The following GALNT17 variants were observed in gnomAD, a reference collection of about 807,000 sequenced individuals.
The protein encoded by GALNT17 is UDP-GalNAc:polypeptide N-acetylgalactosaminyltransferase-like 3.
Under a neutral mutation model 63.7 loss-of-function variants are expected in GALNT17, and 29 were observed. The observed-to-expected ratio is 0.46, with a 90% CI of 0.34 to 0.62. GALNT17 has a LOEUF of 0.62. Ranked by LOEUF, GALNT17 falls within the 20% of genes least tolerant of loss-of-function variation. The probability of loss-of-function intolerance (pLI) is 0.01; values close to 1 mark genes in which losing one functional copy is unlikely to be tolerated. For synonymous variants in GALNT17, 305 were observed against 318.3 expected, an observed-to-expected ratio of 0.96 and a Z score of 0.45; for missense variants, 603 against 799.6, an observed-to-expected ratio of 0.75 and a Z score of 2.97.
chr7:71,327,770 G>A (rs1439411981), intron 1 of GALNT17, among the ~76,000 whole-genome samples: 1 of 152,202 alleles, frequency 6.6e-6, no homozygotes, highest in Non-Finnish European at 1.5e-5. Flanking sequence ...GCCACCCTAA[G>A]GTCTGCAGAG....
In GALNT17 at chr7:71,575,047, C is replaced by G. The variant is rs115739414; in HGVS notation, c.1080+3645C>G. Among the ~76,000 whole-genome samples, 1,505 of 152,198 alleles carry G rather than the reference C, an allele frequency of 9.9e-3. 36 individuals carry two copies. The highest frequency in any genetic ancestry group is 0.034 in the African/African-American group (1,430 of 41,520). Reference sequence around the variant, plus strand: ...TTTTTAACTTCATGTACGGGTGTCTCGACCAGGTGACTACAGGGTTCCTGA... The same window carrying G: ...TTTTTAACTTCATGTACGGGTGTCTGGACCAGGTGACTACAGGGTTCCTGA... On this transcript the variant is annotated intron_variant, in intron 6 of 10. Transcript: ENST00000333538.
At chr7:71,327,010 G>A (rs2116040250) in intron 1 of GALNT17, among the ~76,000 whole-genome samples, 1 of 152,258 alleles carries the variant, frequency 6.6e-6, no homozygotes, top group Non-Finnish European at 1.5e-5. Context: ...TTCTTAAAGT[G>A]AAATACTCAG....
At chr7:71,512,267 A>G (rs1316368091) in intron 5 of GALNT17, among the ~76,000 whole-genome samples, 1 of 151,860 alleles carries the variant, frequency 6.6e-6, no homozygotes, top group Admixed American at 6.6e-5. Flanking sequence ...ACTCCTCCCA[A>G]AGTGCTGGGA....
chr7:71,465,478 G>A (rs951125456), intron 5 of GALNT17, among the ~76,000 whole-genome samples: 4 of 152,164 alleles, frequency 2.6e-5, no homozygotes, highest in Non-Finnish European at 5.9e-5. Flanking sequence ...ACCTACTTAA[G>A]CATCACTCTC....
At chr7:71,264,451 C>G (rs1351616855) in intron 1 of GALNT17, among the ~76,000 whole-genome samples, 2 of 152,100 alleles carry the variant, frequency 1.3e-5, no homozygotes, top group African/African-American at 4.8e-5. Flanking sequence ...TCTAGAACTT[C>G]CATACCCTCC....
At chr7:71,651,992 G>A (rs535186861) in intron 6 of GALNT17, among the ~76,000 whole-genome samples, 15 of 152,190 alleles carry the variant, frequency 9.9e-5, no homozygotes, top group South Asian at 2.1e-4. Context: ...ATTAGCCACC[G>A]TGCCCAGCCT....
intron 2 of GALNT17, among the ~76,000 whole-genome samples, chr7:71,386,496 G>GC (rs1563054899): frequency 6.6e-6 from 1 of 151,996 alleles, no homozygotes; most frequent in Non-Finnish European, 1.5e-5. Flanking sequence ...TGTGGCTTAG[G>GC]CGTAAGCATG....
At chr7:71,668,456 C>T (rs892991882) in intron 7 of GALNT17, among the ~76,000 whole-genome samples, 2 of 136,174 alleles carry the variant, frequency 1.5e-5, no homozygotes, top group Non-Finnish European at 3.1e-5. Flanking sequence ...GCAGAGGTTG[C>T]GGTGAGCCAA....
chr7:71,224,233 C>T lies in GALNT17; in HGVS notation c.238+91193C>T, dbSNP rs372544961. 7.2e-5 allele frequency among the ~76,000 whole-genome samples: 11 copies of T among 152,028 alleles called. No individual in the cohort carries two copies. The East Asian group carries it at 9.7e-4, about 13-fold the overall frequency. On this transcript the variant is annotated intron_variant, in intron 1 of 10. Coordinates refer to ENST00000333538, the MANE Select transcript of GALNT17 (RefSeq NM_022479.3). ...TGGCTAACTTTGTATTTTTAGTAAACGGAGTTTTGCCATGTCGGCCAGGCT... is the reference window on the plus strand; with the variant it reads ...TGGCTAACTTTGTATTTTTAGTAAATGGAGTTTTGCCATGTCGGCCAGGCT...
chr7:71,587,023 T>C (rs1789728456), intron 6 of GALNT17, among the ~76,000 whole-genome samples: 1 of 152,136 alleles, frequency 6.6e-6, no homozygotes, highest in Non-Finnish European at 1.5e-5. Flanking sequence ...TCTCTACCTT[T>C]TTTGTTTTTT....
At chr7:71,252,218 A>T (rs1790210815) in intron 1 of GALNT17, among the ~76,000 whole-genome samples, 3 of 112,138 alleles carry the variant, frequency 2.7e-5, no homozygotes. Context: ...CGATCCTGAA[A>T]CTCAAAAAAA....
intron 9 of GALNT17, among the ~76,000 whole-genome samples, chr7:71,691,886 T>TCC (rs1359636341): frequency 6.2e-5 from 1 of 16,218 alleles, no homozygotes; most frequent in Non-Finnish European, 1.6e-4. Flanking sequence ...TTTCCTTCCT[T>TCC]TCTTCCTTCC....
intron 6 of GALNT17, among the ~76,000 whole-genome samples, chr7:71,610,988 CAAAA>C (rs11447692): frequency 1.6e-5 from 2 of 127,046 alleles, no homozygotes; most frequent in Non-Finnish European, 3.2e-5. Flanking sequence ...GACTCCATTT[CAAAA>C]AAAAAAAAAA....
intron 1 of GALNT17, among the ~76,000 whole-genome samples, chr7:71,226,843 A>G (rs1789688735): frequency 6.6e-6 from 1 of 152,134 alleles, no homozygotes; most frequent in Non-Finnish European, 1.5e-5. Flanking sequence ...AGTATTGCCA[A>G]AAGGCTCCGT....
intron 2 of GALNT17, among the ~76,000 whole-genome samples, chr7:71,374,565 G>T (rs904887571): frequency 6.6e-6 from 1 of 152,194 alleles, no homozygotes; most frequent in Non-Finnish European, 1.5e-5. Context: ...GCCCAGATCC[G>T]AGGGGTAGAG....
At chr7:71,584,942 G>T (rs1789693603) in intron 6 of GALNT17, among the ~76,000 whole-genome samples, 1 of 152,054 alleles carries the variant, frequency 6.6e-6, no homozygotes, top group Non-Finnish European at 1.5e-5. Flanking sequence ...TTTTAGTAGA[G>T]ACGGGGTCTT....
At chr7:71,231,840 C>T (rs1334457192) in intron 1 of GALNT17, among the ~76,000 whole-genome samples, 1 of 151,888 alleles carries the variant, frequency 6.6e-6, no homozygotes, top group Non-Finnish European at 1.5e-5. Context: ...TATGAGGGCC[C>T]CACCCTCATG....
chr7:71,476,439 C>T (rs1032667999), intron 5 of GALNT17, among the ~76,000 whole-genome samples: 1 of 151,640 alleles, frequency 6.6e-6, no homozygotes. Context: ...AAAATACTTA[C>T]TCACAAATCC....
chr7:71,393,785 T>A (rs1235195429), intron 3 of GALNT17, among the ~76,000 whole-genome samples: 1 of 152,218 alleles, frequency 6.6e-6, no homozygotes, highest in Admixed American at 6.5e-5. Flanking sequence ...TTGGCCTGTG[T>A]TAAGCCCAGG....
Sources: gnomAD v4.1 joint callset for allele counts (sites outside exome capture counted in the v4.1 genomes callset) on GRCh38, gnomAD v4.1.1 for gene constraint, MANE v1.5 for transcripts, NCBI Gene and HGNC (gene_info 2026-07-23, HGNC 2026-07-21) for gene names.